The following ZNG1A variants were observed in gnomAD, a reference collection of about 807,000 sequenced individuals.
ZNG1A encodes the protein Zn regulated GTPase metalloprotein activator 1A.
chr9:125,181 A>C, the ZNG1A span, among the ~76,000 whole-genome samples: 9 of 151,560 alleles, frequency 5.9e-5, no homozygotes, highest in African/African-American at 1.4e-4. Context: ...AGCAGTGTAG[A>C]AGTGTTCCGT....
the ZNG1A span, among the ~76,000 whole-genome samples, chr9:173,721 C>G: frequency 6.6e-6 from 1 of 152,026 alleles, no homozygotes; most frequent in African/African-American, 2.4e-5. Context: ...GTTTTATATA[C>G]TGGATTTTGT....
chr9:146,311 T>C, the ZNG1A span: 19 of 654,876 alleles, frequency 2.9e-5, no homozygotes, highest in Non-Finnish European at 4.2e-5. Context: ...GAATCAAGAT[T>C]GAAAATTATT....
At chr9:161,639 T>G in the ZNG1A span, 1 of 1,284,156 alleles carries the variant, frequency 7.8e-7, no homozygotes, top group South Asian at 1.2e-5. Context: ...CTTTTCTGCC[T>G]TTAGTGGTAT....
At chr9:163,279 AG>A in the ZNG1A span, among the ~76,000 whole-genome samples, 13 of 151,782 alleles carry the variant, frequency 8.6e-5, no homozygotes, top group African/African-American at 2.9e-4. Context: ...GTAAGACAGG[AG>A]TGTTTAATTC....
chr9:175,384 AT>A, the ZNG1A span, among the ~76,000 whole-genome samples: 7 of 148,920 alleles, frequency 4.7e-5, no homozygotes, highest in African/African-American at 1.8e-4. Context: ...CTCAAAAAAA[AT>A]AAAATAAAAT....
chr9:171,368 A>C, the ZNG1A span, among the ~76,000 whole-genome samples: 1 of 152,182 alleles, frequency 6.6e-6, no homozygotes, highest in African/African-American at 2.4e-5. Context: ...GGTCAGATTC[A>C]CAGAATAAGC....
the ZNG1A span, chr9:153,668 A>T: frequency 6.6e-6 from 1 of 151,838 alleles, no homozygotes; most frequent in Non-Finnish European, 1.5e-5. Context: ...GTTTAAGGAC[A>T]TTACTATTAA....
the ZNG1A span, among the ~76,000 whole-genome samples, chr9:160,484 T>A: frequency 1.3e-5 from 2 of 151,992 alleles, no homozygotes; most frequent in Admixed American, 6.5e-5. Context: ...GTTTCCATTA[T>A]CCTGACAGTG....
At chr9:162,643 G>A in the ZNG1A span, among the ~76,000 whole-genome samples, 2 of 149,744 alleles carry the variant, frequency 1.3e-5, no homozygotes, top group African/African-American at 5.0e-5. Context: ...TTAAATTCCA[G>A]TAATAAGTCA....
the ZNG1A span, chr9:167,339 T>A: frequency 6.6e-6 from 1 of 151,152 alleles, no homozygotes; most frequent in Middle Eastern, 3.4e-3. Context: ...AGAGAAAACA[T>A]TGGACAAAGA....
At chr9:142,047 C>T in the ZNG1A span, among the ~76,000 whole-genome samples, 1 of 142,568 alleles carries the variant, frequency 7.0e-6, no homozygotes, top group African/African-American at 2.7e-5. Context: ...TAAACCAAGT[C>T]CTGAGTGACC....
chr9:125,182 A>T, the ZNG1A span, among the ~76,000 whole-genome samples: 1 of 151,426 alleles, frequency 6.6e-6, no homozygotes, highest in South Asian at 2.1e-4. Flanking sequence ...GCAGTGTAGA[A>T]GTGTTCCGTG....
the ZNG1A span, among the ~76,000 whole-genome samples, chr9:159,825 T>C: frequency 6.6e-6 from 1 of 152,072 alleles, no homozygotes; most frequent in African/African-American, 2.4e-5. Flanking sequence ...GCAGGAACTA[T>C]TTCTTTTAAA....
chr9:139,943 C>A, the ZNG1A span, among the ~76,000 whole-genome samples: 2 of 150,572 alleles, frequency 1.3e-5, no homozygotes, highest in Non-Finnish European at 2.9e-5. Flanking sequence ...CCCAATACTG[C>A]GCTTTTCCGA....
chr9:177,622 G>A, the ZNG1A span: 36 of 1,510,428 alleles, frequency 2.4e-5, no homozygotes, highest in Non-Finnish European at 3.0e-5. Context: ...AAATGGTCAG[G>A]GATAGGAGTG....
chr9:139,327 A>C, the ZNG1A span, among the ~76,000 whole-genome samples: 2 of 150,190 alleles, frequency 1.3e-5, no homozygotes, highest in African/African-American at 5.0e-5. Context: ...AACCCCATAG[A>C]AAGAGTGTAG....
the ZNG1A span, among the ~76,000 whole-genome samples, chr9:135,760 G>A: frequency 8.5e-6 from 1 of 116,962 alleles, no homozygotes; most frequent in Admixed American, 9.0e-5. Flanking sequence ...GCAAGTTTAG[G>A]AAAGAGAAAG....
the ZNG1A span, chr9:121,127 T>A: frequency 3.8e-6 from 1 of 261,100 alleles, no homozygotes; most frequent in East Asian, 8.2e-5. Flanking sequence ...AATCATTATA[T>A]CTCTGCAATC....
At chr9:164,801 G>A in the ZNG1A span, among the ~76,000 whole-genome samples, 6 of 151,822 alleles carry the variant, frequency 4.0e-5, no homozygotes, top group African/African-American at 1.2e-4. Context: ...GAGTGTAGGA[G>A]AAAAACAAGG....
Sources: gnomAD v4.1 joint callset for allele counts (sites outside exome capture counted in the v4.1 genomes callset) on GRCh38, gnomAD v4.1.1 for gene constraint, MANE v1.5 for transcripts, NCBI Gene and HGNC (gene_info 2026-07-23, HGNC 2026-07-21) for gene names.